The following PLEKHG1 variants were observed in gnomAD, a reference collection of about 807,000 sequenced individuals.
PLEKHG1 encodes pleckstrin homology domain-containing family G member 1.
PLEKHG1 carries 44 observed loss-of-function variants against 100.8 expected under a neutral mutation model. The ratio of observed to expected loss-of-function variants is 0.44; its 90% CI spans 0.34 to 0.56. The LOEUF is 0.56. Ranked by LOEUF, PLEKHG1 falls within the 20% of genes least tolerant of loss-of-function variation. PLEKHG1 has a pLI of 0.01. For missense variants in PLEKHG1, 1,545 were observed against 1,720.9 expected, an observed-to-expected ratio of 0.90 and a Z score of 1.81; for synonymous variants, 640 against 662.5, an observed-to-expected ratio of 0.97 and a Z score of 0.52.
chr6:150,669,458 T>C (rs1779511866), intron 3 of PLEKHG1, among the ~76,000 whole-genome samples: 1 of 152,140 alleles, frequency 6.6e-6, no homozygotes, highest in Non-Finnish European at 1.5e-5. Context: ...CTTTAGCTAA[T>C]GGATAAAATA....
chr6:150,698,394 T>C (rs1383925218), intron 3 of PLEKHG1, among the ~76,000 whole-genome samples: 4 of 152,182 alleles, frequency 2.6e-5, no homozygotes, highest in African/African-American at 9.7e-5. Flanking sequence ...TTTTGAAAGA[T>C]ACCAATGTTG....
chr6:150,666,122 C>T (rs1330878844), intron 3 of PLEKHG1, among the ~76,000 whole-genome samples: 3 of 152,162 alleles, frequency 2.0e-5, no homozygotes, highest in African/African-American at 7.2e-5. Context: ...TGAGTCCTTC[C>T]TCTACCCTGG....
At chr6:150,824,532 T>C (rs914409835) in intron 14 of PLEKHG1, among the ~76,000 whole-genome samples, 1 of 152,126 alleles carries the variant, frequency 6.6e-6, no homozygotes, top group Non-Finnish European at 1.5e-5. Context: ...TTTTTTTTTT[T>C]TTCTTTTGAG....
At chr6:150,794,310 G>A (rs1320278425) in intron 4 of PLEKHG1, among the ~76,000 whole-genome samples, 1 of 152,166 alleles carries the variant, frequency 6.6e-6, no homozygotes, top group Non-Finnish European at 1.5e-5. Flanking sequence ...TATGAATAGT[G>A]ACTGGTGAAA....
At chr6:150,837,819 G>C (rs1044187655) in intron 15 of PLEKHG1, among the ~76,000 whole-genome samples, 2 of 152,224 alleles carry the variant, frequency 1.3e-5, no homozygotes, top group African/African-American at 4.8e-5. Flanking sequence ...TTTCTCTTAA[G>C]ATGTTGCTAA....
intron 10 of PLEKHG1, among the ~76,000 whole-genome samples, chr6:150,811,915 G>C (rs1787555339): frequency 6.6e-6 from 1 of 152,202 alleles, no homozygotes; most frequent in Non-Finnish European, 1.5e-5. Flanking sequence ...GCAGGAGTGA[G>C]GTTGGAGGCT....
chr6:150,783,143 C>A (rs1459876125), intron 3 of PLEKHG1, among the ~76,000 whole-genome samples: 5 of 70,374 alleles, frequency 7.1e-5, no homozygotes, highest in Admixed American at 1.4e-4. Context: ...ACAAAAAAAT[C>A]AATAAAAGAA....
chr6:150,680,009 T>C (rs1031193593), intron 3 of PLEKHG1, among the ~76,000 whole-genome samples: 9 of 152,060 alleles, frequency 5.9e-5, no homozygotes, highest in African/African-American at 2.4e-5. Flanking sequence ...GGGGCCAGGA[T>C]GGGAACATGT....
intron 1 of PLEKHG1, among the ~76,000 whole-genome samples, chr6:150,724,473 C>CA (rs1250483591): frequency 8.6e-5 from 13 of 151,156 alleles, no homozygotes; most frequent in East Asian, 1.9e-4. Context: ...TCACCACACA[C>CA]AAAAAAAGCA....
At chr6:150,676,620 A>G (rs140735346) in intron 3 of PLEKHG1, among the ~76,000 whole-genome samples, 3 of 152,336 alleles carry the variant, frequency 2.0e-5, no homozygotes, top group Non-Finnish European at 4.4e-5. Flanking sequence ...CTGCAGTGCT[A>G]GAAGCTGTGA....
chr6:150,630,505 T>C (rs919035598), intron 1 of PLEKHG1, among the ~76,000 whole-genome samples: 1 of 152,168 alleles, frequency 6.6e-6, no homozygotes, highest in Non-Finnish European at 1.5e-5. Flanking sequence ...AAGCCAAGGA[T>C]ATTATCCTGA....
At chr6:150,617,151 G>A (rs1434150240) in intron 1 of PLEKHG1, among the ~76,000 whole-genome samples, 1 of 152,192 alleles carries the variant, frequency 6.6e-6, no homozygotes, top group African/African-American at 2.4e-5. Flanking sequence ...GGTATCCTGA[G>A]TTTGGAGGGT....
intron 3 of PLEKHG1, among the ~76,000 whole-genome samples, chr6:150,775,884 C>T (rs1381212641): frequency 1.3e-5 from 2 of 151,968 alleles, no homozygotes; most frequent in African/African-American, 2.4e-5. Flanking sequence ...CAGGCCAGTG[C>T]CTGGAAAGTA....
intron 3 of PLEKHG1, among the ~76,000 whole-genome samples, chr6:150,674,099 C>T (rs1412213121): frequency 6.6e-6 from 1 of 152,128 alleles, no homozygotes; most frequent in East Asian, 1.9e-4. Context: ...TGTGTATCAG[C>T]CTATCAGTGT....
chr6:150,746,932 C>T (rs983082006), intron 2 of PLEKHG1, among the ~76,000 whole-genome samples: 7 of 152,178 alleles, frequency 4.6e-5, no homozygotes, highest in Non-Finnish European at 8.8e-5. Flanking sequence ...CCTGTAACTG[C>T]AAAGTTCCTT....
intron 1 of PLEKHG1, among the ~76,000 whole-genome samples, chr6:150,610,885 C>T (rs1776801161): frequency 6.6e-6 from 1 of 152,182 alleles, no homozygotes; most frequent in South Asian, 2.1e-4. Flanking sequence ...TGTGTTTATT[C>T]TGGAACAGAC....
chr6:150,679,370 A>G (rs1217864580), intron 3 of PLEKHG1, among the ~76,000 whole-genome samples: 5 of 152,162 alleles, frequency 3.3e-5, no homozygotes, highest in Non-Finnish European at 7.3e-5. Context: ...CAGGGCAGAG[A>G]AGATGTGAAT....
intron 15 of PLEKHG1, among the ~76,000 whole-genome samples, chr6:150,835,287 T>G (rs1777168951): frequency 6.6e-6 from 1 of 152,208 alleles, no homozygotes; most frequent in Admixed American, 6.5e-5. Flanking sequence ...GTTTCTGGGT[T>G]TTTTGGTGAT....
exon 16 of PLEKHG1, chr6:150,840,845 C>A (rs768622869): frequency 9.3e-6 from 15 of 1,613,762 alleles, no homozygotes; most frequent in Non-Finnish European, 1.2e-5. Context: ...AAAATATTGT[C>A]CAGTCTCTAA....
Sources: gnomAD v4.1 joint callset for allele counts (sites outside exome capture counted in the v4.1 genomes callset) on GRCh38, gnomAD v4.1.1 for gene constraint, MANE v1.5 for transcripts, NCBI Gene and HGNC (gene_info 2026-07-23, HGNC 2026-07-21) for gene names.